DYNC2I2: variants seen among roughly 807,000 people sequenced by gnomAD.
DYNC2I2 encodes the protein cytoplasmic dynein 2 intermediate chain 2.
A neutral mutation model predicts 52.0 loss-of-function variants in DYNC2I2; 39 were observed. That is an observed-to-expected ratio of 0.75 (90% CI 0.58 to 0.98). The LOEUF (loss-of-function observed/expected upper bound fraction) is 0.98, where lower values mean the gene tolerates loss of function less well. DYNC2I2 is among the 50% of genes least tolerant of loss of function. DYNC2I2 has a pLI of 0.00. For synonymous variants in DYNC2I2, 359 were observed against 321.1 expected, an observed-to-expected ratio of 1.12 and a Z score of -1.26; for missense variants, 743 against 728.4, an observed-to-expected ratio of 1.02 and a Z score of -0.23.
At chr9:128,635,873 C>T in intron 4 of DYNC2I2, 106 bp from the exon 5 acceptor site, 12 of 1,060,100 alleles carry the variant, frequency 1.1e-5, no homozygotes, top group South Asian at 8.8e-5. Flanking sequence ...CAGGGCCAGG[C>T]GGCAGAGCCA....
Position 128,633,939 on chromosome 9 carries a change from G to A in DYNC2I2, c.1416C>T (p.Pro472=), listed in dbSNP as rs567903460. The change falls in exon 9 of 9, where the codon CCC becomes CCT. Residue 472 remains proline (P), a synonymous_variant. Transcript: ENST00000372715. ...LFDLQKSSQK[P]TVLIKQTQDE... Reference sequence around the variant, plus strand: ...CCTGGGTTTGCTTGATCAAAACTGTGGGTTTCTGGGAGCTTTTCTGGAGAT... The same window carrying A: ...CCTGGGTTTGCTTGATCAAAACTGTAGGTTTCTGGGAGCTTTTCTGGAGAT... The A allele has an allele frequency of 6.8e-6, 11 of 1,613,158 alleles. No homozygotes were observed. Among genetic ancestry groups the A allele is most frequent in the African/African-American group, 2.7e-5 (2 of 75,062 alleles).
chr9:128,663,943 G>A, the DYNC2I2 span, among the ~76,000 whole-genome samples: 1 of 145,044 alleles, frequency 6.9e-6, no homozygotes, highest in African/African-American at 2.6e-5. Flanking sequence ...GTGAGCTACT[G>A]CACCCAGGCT....
the DYNC2I2 span, among the ~76,000 whole-genome samples, chr9:128,675,603 G>C: frequency 6.6e-6 from 1 of 152,234 alleles, no homozygotes; most frequent in African/African-American, 2.4e-5. Context: ...TGTAGGTCCA[G>C]CTGATGCTCA....
chr9:128,668,451 C>T, the DYNC2I2 span, among the ~76,000 whole-genome samples: 1 of 151,950 alleles, frequency 6.6e-6, no homozygotes, highest in Non-Finnish European at 1.5e-5. Flanking sequence ...GCGTGAGCCA[C>T]TGCATTGGGT....
intron 3 of DYNC2I2, 22 bp from the exon 4 acceptor site, chr9:128,636,460 C>A (rs1204394563): frequency 1.3e-6 from 2 of 1,582,994 alleles, no homozygotes; most frequent in East Asian, 4.6e-5. Flanking sequence ...CAGGCTTGAG[C>A]CGGCTGTGCC....
chr9:128,661,435 A>G (rs1019520535), upstream of DYNC2I2, among the ~76,000 whole-genome samples: 4 of 151,856 alleles, frequency 2.6e-5, no homozygotes, highest in Non-Finnish European at 5.9e-5. Flanking sequence ...CCTGGCCAAC[A>G]TGGTGAAACC....
chr9:128,679,982 C>T, the DYNC2I2 span, among the ~76,000 whole-genome samples: 1 of 152,166 alleles, frequency 6.6e-6, no homozygotes, highest in Non-Finnish European at 1.5e-5. Flanking sequence ...ATGTCTCTTC[C>T]ACATACCCTT....
rs752349853 is a variant in DYNC2I2 at position 128,634,685 on chromosome 9, G to C, written c.1214+4C>G. 6.5e-7 allele frequency: 1 copy of C among 1,547,926 alleles called. No individual in the cohort carries two copies. The highest frequency in any genetic ancestry group is 1.2e-5 in the South Asian group (1 of 82,310). On this transcript the variant is annotated splice_donor_region_variant and intron_variant, in intron 7 of 8. Transcript: ENST00000372715. The stretch of plus-strand genomic sequence containing the variant: ...CCACTGTGCCCCAGGCCTGCCCTAC[G>C]TACCTGTGGAAGGGGGAACAGCTCA...
chr9:128,648,672 C>G lies in DYNC2I2; in HGVS notation c.187-7733G>C, dbSNP rs191274673. On this transcript the variant is annotated intron_variant, in intron 1 of 8. Coordinates refer to ENST00000372715, the MANE Select transcript of DYNC2I2 (RefSeq NM_052844.4). ...AAAATTAGCCAAGCGTGTTGGCGGG[C>G]AACTGTAATCACTGCTACTAGGGTG... is the stretch of plus-strand genomic sequence containing the variant. 2.3e-3 allele frequency among the ~76,000 whole-genome samples: 342 copies of G among 149,706 alleles called. 1 individual carries two copies. Among genetic ancestry groups the G allele is most frequent in the African/African-American group, 8.2e-3 (334 of 40,884 alleles).
rs757494495 is a variant in DYNC2I2, at chr9:128,656,697, G to C, written c.30C>G (p.Leu10=). The C allele has an allele frequency of 2.7e-6, 4 of 1,473,154 alleles. No homozygotes were observed. The highest frequency in any genetic ancestry group is 3.6e-6 in the Non-Finnish European group (4 of 1,123,364). 91.3% of individuals were successfully genotyped at this position (1,473,154 alleles called of 1,614,324 possible). A position where few individuals can be genotyped will look rare whatever the true frequency, so the allele number is the denominator to read the frequency against. The change falls in exon 1 of 9, where the codon CTC becomes CTG. Residue 10 remains leucine (L), a synonymous_variant. Transcript: ENST00000372715. ...CAACACCAGCGCTTCCCGCCTGGCTGAGTGGCCCCGGCTGCGCGCGGGTTG... is the reference window on the plus strand; with the variant it reads ...CAACACCAGCGCTTCCCGCCTGGCTCAGTGGCCCCGGCTGCGCGCGGGTTG... MATRAQPGP[L]SQAGSAGVAA...
At chr9:128,645,073 AGGCGCAGTGGC>A (rs1388831824) in intron 1 of DYNC2I2, among the ~76,000 whole-genome samples, 1 of 152,130 alleles carries the variant, frequency 6.6e-6, no homozygotes, top group Non-Finnish European at 1.5e-5. Flanking sequence ...CAATTAGGCC[AGGCGCAGTGGC>A]TCATGCCTGT....
Position 128,635,809 on chromosome 9 carries a change from C to A in DYNC2I2, c.704-42G>T, listed in dbSNP as rs769987106. On this transcript the variant is annotated intron_variant, in intron 4 of 8. Transcript: ENST00000372715. ...CCTGGGCAGAGGCTCAGCCCCACCC[C>A]CAGCCTGACTTCCTGGCCAAACACC... 7 of 1,557,412 alleles carry A rather than the reference C, an allele frequency of 4.5e-6. No individual in the cohort carries two copies. The African/African-American group carries it at 6.8e-5, about 15-fold the overall frequency.
intron 1 of DYNC2I2, among the ~76,000 whole-genome samples, chr9:128,656,216 A>G (rs1589438373): frequency 6.6e-6 from 1 of 152,028 alleles, no homozygotes; most frequent in East Asian, 1.9e-4. Flanking sequence ...TTCAAAAAAA[A>G]AAACACAAAA....
the DYNC2I2 span, among the ~76,000 whole-genome samples, chr9:128,668,235 A>G: frequency 7.0e-6 from 1 of 142,282 alleles, no homozygotes; most frequent in Non-Finnish European, 1.5e-5. Context: ...CTGGGATTAC[A>G]GGCGTGAGCC....
chr9:128,656,893 A>C, upstream of DYNC2I2: 2 of 710,756 alleles, frequency 2.8e-6, no homozygotes, highest in Non-Finnish European at 4.1e-6. Context: ...CTTCTCGGCC[A>C]GAGAGAGAAG....
the DYNC2I2 span, among the ~76,000 whole-genome samples, chr9:128,667,549 T>C: frequency 6.7e-6 from 1 of 149,130 alleles, no homozygotes; most frequent in Non-Finnish European, 1.5e-5. Context: ...TGGTCTCACC[T>C]TGTGATCCGC....
upstream of DYNC2I2, among the ~76,000 whole-genome samples, chr9:128,658,022 A>G (rs1860867340): frequency 6.6e-6 from 1 of 152,014 alleles, no homozygotes; most frequent in Non-Finnish European, 1.5e-5. Flanking sequence ...GAGTCAGGGA[A>G]ATTGAGGCTG....
chr9:128,678,147 G>A, the DYNC2I2 span, among the ~76,000 whole-genome samples: 89 of 149,642 alleles, frequency 5.9e-4, 1 homozygote, highest in Middle Eastern at 6.8e-3. Context: ...TTGGCTCACC[G>A]CAACCTCTGC....
At chr9:128,655,776 T>G (rs1246666899) in intron 1 of DYNC2I2, among the ~76,000 whole-genome samples, 2 of 150,920 alleles carry the variant, frequency 1.3e-5, no homozygotes, top group African/African-American at 4.9e-5. Flanking sequence ...CCAGGCGTGC[T>G]GGCGGCCGCC....
Sources: allele counts gnomAD v4.1 joint callset (sites outside exome capture counted in the v4.1 genomes callset), GRCh38; gene constraint gnomAD v4.1.1; transcripts MANE v1.5; gene names NCBI Gene and HGNC (gene_info 2026-07-23, HGNC 2026-07-21).